FIGN: variants seen among roughly 807,000 people sequenced by gnomAD.
The protein encoded by FIGN is fidgetin, microtubule severing factor, also known as fidgetin.
Under a neutral mutation model 51.3 loss-of-function variants are expected in FIGN, and 11 were observed. The observed-to-expected ratio is 0.21, with a 90% CI of 0.13 to 0.35. The LOEUF (loss-of-function observed/expected upper bound fraction) is 0.35. Ranked by LOEUF, FIGN falls within the 10% of genes least tolerant of loss-of-function variation. The pLI is 1.00. For synonymous variants in FIGN, 407 were observed against 363.2 expected (o/e 1.12, Z -1.37); for missense variants, 857 against 943.6 (o/e 0.91, Z 1.20).
At chr2:163,690,192 G>A (rs924664641) in intron 2 of FIGN, among the ~76,000 whole-genome samples, 3 of 152,076 alleles carry the variant, frequency 2.0e-5, no homozygotes, top group Non-Finnish European at 4.4e-5. Context: ...TTAAACACTC[G>A]AGCTAACTGC....
chr2:163,700,512 T>G (rs1396046208), intron 2 of FIGN, among the ~76,000 whole-genome samples: 1 of 152,112 alleles, frequency 6.6e-6, no homozygotes, highest in East Asian at 1.9e-4. Context: ...TCAGAACACA[T>G]CAGCCTGGAT....
In FIGN at chr2:163,609,723, G is replaced by A. The variant is rs1015213075; in HGVS notation, c.2109C>T (p.Gly703=). 5 of 1,613,928 alleles carry A rather than the reference G, an allele frequency of 3.1e-6. No homozygotes were observed. Among genetic ancestry groups the A allele is most frequent in the Non-Finnish European group, 4.2e-6 (5 of 1,180,006 alleles). Residue 703 remains glycine, a synonymous_variant, in exon 3 of 3, where the codon GGC becomes GGT. Transcript: ENST00000333129. ...CTGTGGCTGGCATGGCATGGAGGGGGCCCACCACTGCTTCCTGACACAAAT... is the reference window on the plus strand; with the variant it reads ...CTGTGGCTGGCATGGCATGGAGGGGACCCACCACTGCTTCCTGACACAAAT... The part of the protein sequence containing the change: ...VAHLCQEAVV[G]PLHAMPATDL...
At chr2:163,629,704 T>C (rs2105309968) in intron 2 of FIGN, among the ~76,000 whole-genome samples, 1 of 152,202 alleles carries the variant, frequency 6.6e-6, no homozygotes, top group East Asian at 1.9e-4. Flanking sequence ...TAGAGATGAA[T>C]AGTTGTGGCA....
At chr2:163,704,660 A>T (rs2015058) in intron 2 of FIGN, among the ~76,000 whole-genome samples, 48,419 of 65,850 alleles carry the variant, frequency 0.74, 17,345 homozygotes, top group Non-Finnish European at 0.82. Context: ...TCTCTCTCAC[A>T]CACACACACA....
chr2:163,617,641 A>T (rs945351399), intron 2 of FIGN, among the ~76,000 whole-genome samples: 3 of 152,270 alleles, frequency 2.0e-5, no homozygotes, highest in East Asian at 3.9e-4. Flanking sequence ...GACTGAAGGA[A>T]CATAAAGAAG....
At chr2:163,634,011 C>G (rs1303364492) in intron 2 of FIGN, among the ~76,000 whole-genome samples, 1 of 150,604 alleles carries the variant, frequency 6.6e-6, no homozygotes, top group Non-Finnish European at 1.5e-5. Flanking sequence ...TGCTTTAGGT[C>G]AGCTTCAACT....
intron 2 of FIGN, among the ~76,000 whole-genome samples, chr2:163,709,613 C>T (rs923485042): frequency 2.6e-5 from 4 of 152,036 alleles, no homozygotes; most frequent in East Asian, 1.9e-4. Flanking sequence ...ACTCAAGAAG[C>T]GATTTACTAT....
chr2:163,690,490 A>C (rs919223792), intron 2 of FIGN, among the ~76,000 whole-genome samples: 1 of 152,060 alleles, frequency 6.6e-6, no homozygotes, highest in African/African-American at 2.4e-5. Flanking sequence ...CATTTGTAAA[A>C]AGCAATCTAA....
rs569530527 is a variant in FIGN at position 163,734,781 on chromosome 2, A to G, written c.25+122T>C. On this transcript the variant is annotated intron_variant, in intron 2 of 2. Coordinates refer to ENST00000333129, the MANE Select transcript of FIGN (RefSeq NM_018086.4). ...TGGTGACATTAAACATATATTTTTT[A>G]AAAAAAGGAATTCTATATCATGAGC... 1.6e-5 allele frequency: 13 copies of G among 831,562 alleles called. No individual in the cohort carries two copies. In the African/African-American group the frequency reaches 2.3e-4, roughly 15 times the overall value. The allele number at this position is 831,562 out of a possible 1,614,324, so 51.5% of individuals were successfully genotyped here. A position where few individuals can be genotyped will look rare whatever the true frequency, so the allele number is the denominator to read the frequency against.
chr2:163,692,705 T>G lies in FIGN; in HGVS notation c.25+42198A>C, dbSNP rs148899694. On this transcript the variant is annotated intron_variant, in intron 2 of 2. Transcript: ENST00000333129. Reference sequence around the variant, plus strand: ...AAAATAAAAGGAGAAAGCATTAACTTTTAACAGTGGAGATGTTAAAAAGAA... The same window carrying G: ...AAAATAAAAGGAGAAAGCATTAACTGTTAACAGTGGAGATGTTAAAAAGAA... Among the ~76,000 whole-genome samples, 38 of 152,276 alleles carry G rather than the reference T, an allele frequency of 2.5e-4. No homozygotes were observed. In the East Asian group the frequency reaches 6.8e-3, roughly 27 times the overall value.
In FIGN at chr2:163,609,478, G is replaced by C; in HGVS notation, c.*74C>G. 1 of 1,288,852 alleles carries C rather than the reference G, an allele frequency of 7.8e-7. No individual in the cohort carries two copies. Among genetic ancestry groups the C allele is most frequent in the Non-Finnish European group, 1.1e-6 (1 of 929,712 alleles). The allele number at this position is 1,288,852 out of a possible 1,614,324, so 79.8% of individuals were successfully genotyped here. A position where few individuals can be genotyped will look rare whatever the true frequency, so the allele number is the denominator to read the frequency against. ...GCAATTTAAACTCTACTGGAAAGGG[G>C]CTCTATTCCCTATGTAGCAGGTTTT... On this transcript the variant is annotated 3_prime_UTR_variant, in exon 3 of 3. Transcript: ENST00000333129.
rs1377128801 is a variant in FIGN, at chr2:163,639,713, A to C, written c.26-27907T>G. 2.6e-5 allele frequency among the ~76,000 whole-genome samples: 4 copies of C among 152,202 alleles called. No individual in the cohort carries two copies. The East Asian group carries it at 5.8e-4, about 22-fold the overall frequency. On this transcript the variant is annotated intron_variant, in intron 2 of 2. Transcript: ENST00000333129. The stretch of plus-strand genomic sequence containing the variant: ...GTTACATCATTAACAACAACAACAA[A>C]ATCTAAAAGGCATTTTTTTAACACG...
Position 163,610,422 on chromosome 2 carries a change from G to C in FIGN, c.1410C>G (p.Asp470Glu). 1.2e-6 allele frequency: 2 copies of C among 1,614,124 alleles called. No individual in the cohort carries two copies. Among genetic ancestry groups the C allele is most frequent in the South Asian group, 1.1e-5 (1 of 91,080 alleles). ...QLKNTDTHLI[D>E]LVTNEIITQG... is the part of the protein sequence containing the mutation. ...GGGTGATAATCTCATTGGTTACCAGGTCGATGAGGTGCGTGTCAGTATTCT... is the reference window on the plus strand; with the variant it reads ...GGGTGATAATCTCATTGGTTACCAGCTCGATGAGGTGCGTGTCAGTATTCT... Residue 470 changes from aspartate (D) to glutamate (E), a missense_variant, in exon 3 of 3, where the codon GAC (aspartate) becomes GAG (glutamate). Asp to Glu is a conservative substitution (Grantham distance 45). Around this residue, in one of 3 missense-constraint regions of FIGN, gnomAD observed 799 missense variants for 849.5 expected, o/e 0.94. Transcript: ENST00000333129.
At chr2:163,673,075 A>G (rs182839073) in intron 2 of FIGN, among the ~76,000 whole-genome samples, 1 of 152,278 alleles carries the variant, frequency 6.6e-6, no homozygotes, top group East Asian at 1.9e-4. Flanking sequence ...GGAACTGAGC[A>G]GCTTACGACA....
chr2:163,615,762 G>C (rs1405553576), intron 2 of FIGN, among the ~76,000 whole-genome samples: 5 of 152,148 alleles, frequency 3.3e-5, no homozygotes, highest in African/African-American at 1.2e-4. Flanking sequence ...AACTCCTACT[G>C]TTGTTTGGAA....
chr2:163,659,931 C>T (rs1236488573), intron 2 of FIGN, among the ~76,000 whole-genome samples: 1 of 151,876 alleles, frequency 6.6e-6, no homozygotes, highest in African/African-American at 2.4e-5. Flanking sequence ...AGTGAAACCT[C>T]ATCTCTACTG....
chr2:163,714,099 T>C (rs1684630538), intron 2 of FIGN, among the ~76,000 whole-genome samples: 1 of 152,114 alleles, frequency 6.6e-6, no homozygotes, highest in African/African-American at 2.4e-5. Flanking sequence ...TCCAATCTGA[T>C]TACACGGCTC....
chr2:163,676,478 TATATAA>T (rs199676863), intron 2 of FIGN, among the ~76,000 whole-genome samples: 3,653 of 92,670 alleles, frequency 0.039, 361 homozygotes, highest in Non-Finnish European at 0.052. Context: ...TATATATATA[TATATAA>T]CTAGAGTCTG....
At position 163,697,100 on chromosome 2, in the gene FIGN, C is replaced by CTTTTTTT. The variant is rs1258378034; in HGVS notation, c.25+37802_25+37803insAAAAAAA. Among the ~76,000 whole-genome samples the CTTTTTTT allele has an allele frequency of 3.1e-4, 34 of 108,426 alleles. 4 individuals carry two copies. Among genetic ancestry groups the CTTTTTTT allele is most frequent in the African/African-American group, 6.7e-4 (18 of 26,870 alleles). The allele number at this position is 108,426 out of a possible 152,430, so 71.1% of individuals were successfully genotyped here. A position where few individuals can be genotyped will look rare whatever the true frequency, so the allele number is the denominator to read the frequency against. On this transcript the variant is annotated intron_variant, in intron 2 of 2. Transcript: ENST00000333129. ...GTCATAATTTTTTTTCTTTTCTTTT[C>CTTTTTTT]TTTCTTTTTTTTTTTTTTTTGAGAC...
Sources: allele counts gnomAD v4.1 joint callset (sites outside exome capture counted in the v4.1 genomes callset), GRCh38; gene constraint gnomAD v4.1.1; regional missense constraint gnomAD v4.1.1; transcripts MANE v1.5; gene names NCBI Gene and HGNC (gene_info 2026-07-23, HGNC 2026-07-21).